TRIO: variants seen among roughly 807,000 people sequenced by gnomAD.
The protein encoded by TRIO is trio Rho guanine nucleotide exchange factor, also known as triple functional domain protein.
In TRIO, 58 loss-of-function variants were observed where a neutral mutation model predicts 351.9. The ratio of observed to expected loss-of-function variants is 0.16; its 90% confidence interval spans 0.13 to 0.21. TRIO has a LOEUF of 0.21. Among genes scored for constraint, TRIO ranks in the 10% least tolerant of loss-of-function variants. TRIO has a pLI of 1.00. For synonymous variants in TRIO, 1,758 were observed against 1,595.7 expected (o/e 1.10, Z -2.42); for missense variants, 3,201 against 4,027.8 (o/e 0.79, Z 5.56).
intron 8 of TRIO, among the ~76,000 whole-genome samples, chr5:14,306,723 A>C (rs1240761851): frequency 6.6e-6 from 1 of 152,052 alleles, no homozygotes; most frequent in African/African-American, 2.4e-5. Flanking sequence ...AATCAGAATC[A>C]CCTTGACCCA....
intron 48 of TRIO, 40 bp from the exon 49 acceptor site, chr5:14,492,527 T>G: frequency 6.2e-7 from 1 of 1,603,884 alleles, no homozygotes; most frequent in Non-Finnish European, 8.5e-7. Flanking sequence ...TCGTTTCAGT[T>G]CCTCCCTGCC....
At chr5:14,344,620 C>T (rs1165858988) in intron 11 of TRIO, among the ~76,000 whole-genome samples, 2 of 152,012 alleles carry the variant, frequency 1.3e-5, no homozygotes, top group African/African-American at 4.8e-5. Flanking sequence ...GTCCTGACCC[C>T]GATTGTAACA....
chr5:14,199,977 T>C (rs1009699116), intron 1 of TRIO, among the ~76,000 whole-genome samples: 1 of 152,170 alleles, frequency 6.6e-6, no homozygotes, highest in African/African-American at 2.4e-5. Context: ...CCAACGGTTA[T>C]GATTAGGAGG....
intron 34 of TRIO, among the ~76,000 whole-genome samples, chr5:14,436,883 C>T (rs2152401504): frequency 6.6e-6 from 1 of 152,348 alleles, no homozygotes; most frequent in East Asian, 1.9e-4. Flanking sequence ...CTTTCACGGA[C>T]TGGCATTGTT....
At chr5:14,157,483 CTCTCCCTG>C (rs1788172512) in intron 1 of TRIO, among the ~76,000 whole-genome samples, 1 of 150,364 alleles carries the variant, frequency 6.7e-6, no homozygotes, top group Admixed American at 6.6e-5. Flanking sequence ...GTCTCCCTCT[CTCTCCCTG>C]TCTCCCTCTC....
At chr5:14,506,254 A>G (rs1757674409) in intron 55 of TRIO, among the ~76,000 whole-genome samples, 1 of 152,358 alleles carries the variant, frequency 6.6e-6, no homozygotes, top group East Asian at 1.9e-4. Flanking sequence ...TTTCTGGGAA[A>G]CAAAATGGTT....
rs1554088664 is a variant in TRIO at position 14,487,514 on chromosome 5, G to GGCGGCGGCA, written c.6891_6899dup (p.Ser2302_Gly2304dup). The GGCGGCGGCA allele has an allele frequency of 5.6e-6, 6 of 1,076,416 alleles. No homozygotes were observed. The highest frequency in any genetic ancestry group is 6.9e-6 in the Non-Finnish European group (6 of 875,800). 66.7% of individuals were successfully genotyped at this position (1,076,416 alleles called of 1,614,324 possible). ...GAGGAACCACAGCGGGGGCGGCGGC[G>GGCGGCGGCA]GCGGCGGCAGCGGGGGCAGCGGCGG... On this transcript the variant is annotated inframe_insertion, in exon 48 of 57. Transcript: ENST00000344204.
chr5:14,494,364 C>T (rs919715016), intron 49 of TRIO, among the ~76,000 whole-genome samples: 1 of 152,236 alleles, frequency 6.6e-6, no homozygotes, highest in Non-Finnish European at 1.5e-5. Context: ...GACAGCACAT[C>T]TGTACACCAT....
At chr5:14,413,264 G>A (rs868716540) in intron 33 of TRIO, among the ~76,000 whole-genome samples, 11 of 152,202 alleles carry the variant, frequency 7.2e-5, no homozygotes, top group African/African-American at 2.4e-4. Context: ...TGGCTCAACT[G>A]CAAAATTCTG....
At chr5:14,460,948 G>A in intron 34 of TRIO, 71 bp from the exon 35 acceptor site, 3 of 1,443,860 alleles carry the variant, frequency 2.1e-6, no homozygotes, top group Middle Eastern at 1.8e-4. Flanking sequence ...CAGCCTGCGG[G>A]ATAATGGCAT....
intron 49 of TRIO, 61 bp downstream of exon 49, chr5:14,492,875 T>A: frequency 6.3e-7 from 1 of 1,590,412 alleles, no homozygotes; most frequent in Non-Finnish European, 8.6e-7. Flanking sequence ...ACAGCACCCG[T>A]GAGGCACACG....
At chr5:14,401,140 T>C in intron 31 of TRIO, 76 bp downstream of exon 31, 2 of 1,214,530 alleles carry the variant, frequency 1.6e-6, no homozygotes, top group African/African-American at 1.5e-5. Flanking sequence ...TTCCGTTGTT[T>C]TCATATTATT....
chr5:14,258,046 C>A lies in TRIO; in HGVS notation c.158-12779C>A, dbSNP rs140820903. On this transcript the variant is annotated intron_variant, in intron 1 of 56. Transcript: ENST00000344204. ...TAGGTAACTGCCCACAGTCACCCCC[C>A]CTGGGAGGTGGCAAGCCCAGGCTCC... Among the ~76,000 whole-genome samples, 797 of 152,342 alleles carry A rather than the reference C, an allele frequency of 5.2e-3. 5 individuals carry two copies. The highest frequency in any genetic ancestry group is 8.7e-3 in the Non-Finnish European group (589 of 68,026).
intron 1 of TRIO, among the ~76,000 whole-genome samples, chr5:14,166,948 G>A (rs975422346): frequency 1.3e-5 from 2 of 152,114 alleles, no homozygotes; most frequent in Non-Finnish European, 2.9e-5. Context: ...GCAAGTTGCT[G>A]TGGATCTAAC....
At chr5:14,274,997 C>T (rs560649171) in intron 2 of TRIO, among the ~76,000 whole-genome samples, 5 of 152,084 alleles carry the variant, frequency 3.3e-5, no homozygotes, top group Non-Finnish European at 5.9e-5. Flanking sequence ...GCATATCCAC[C>T]GGGTGGGTTG....
intron 37 of TRIO, among the ~76,000 whole-genome samples, chr5:14,470,471 T>A (rs1257912948): frequency 6.6e-6 from 1 of 152,258 alleles, no homozygotes. Flanking sequence ...ATAAATCTTA[T>A]GTGTTCTGTG....
chr5:14,392,411 T>G lies in TRIO; in HGVS notation c.4218+1421T>G, dbSNP rs540769125. Among the ~76,000 whole-genome samples, 8 of 152,294 alleles carry G rather than the reference T, an allele frequency of 5.3e-5. No individual in the cohort carries two copies. The South Asian group carries it at 1.7e-3, about 32-fold the overall frequency. ...TCACACCAGTTAGAATGGCGATCAT[T>G]AAAAAGTCAGGAAACAACAGATGGT... is the stretch of plus-strand genomic sequence containing the variant. On this transcript the variant is annotated intron_variant, in intron 27 of 56. Transcript: ENST00000344204.
At chr5:14,329,194 T>C (rs1176483051) in intron 9 of TRIO, among the ~76,000 whole-genome samples, 1 of 152,216 alleles carries the variant, frequency 6.6e-6, no homozygotes, top group Non-Finnish European at 1.5e-5. Context: ...AGCAGAGCCA[T>C]GGCTGGTTGG....
intron 1 of TRIO, among the ~76,000 whole-genome samples, chr5:14,202,294 A>ATTTTTTTTTTTTTTTTTTT (rs60827656): frequency 6.0e-5 from 2 of 33,560 alleles, no homozygotes; most frequent in Admixed American, 4.7e-4. Flanking sequence ...TATTTTTGTG[A>ATTTTTTTTTTTTTTTTTTT]TTTTTTTTTT....
Sources: gnomAD v4.1 joint callset for allele counts (sites outside exome capture counted in the v4.1 genomes callset) on GRCh38, gnomAD v4.1.1 for gene constraint, MANE v1.5 for transcripts, NCBI Gene and HGNC (gene_info 2026-07-23, HGNC 2026-07-21) for gene names.